Variants in HCN1 observed in about 807,000 individuals in gnomAD.
The protein encoded by HCN1 is hyperpolarization activated cyclic nucleotide gated potassium channel 1.
A neutral mutation model predicts 78.9 loss-of-function variants in HCN1; 13 were observed. The ratio of observed to expected loss-of-function variants is 0.16; its 90% confidence interval spans 0.11 to 0.26. HCN1 has a LOEUF of 0.26. HCN1 is among the 10% of genes least tolerant of loss of function. HCN1 has a pLI of 1.00. For missense variants in HCN1, 810 were observed against 1,154.3 expected (o/e 0.70, Z 4.32); for synonymous variants, 552 against 455.5 (o/e 1.21, Z -2.70).
chr5:45,682,269 A>C (rs990438501), intron 1 of HCN1, among the ~76,000 whole-genome samples: 5 of 116,514 alleles, frequency 4.3e-5, no homozygotes, highest in Admixed American at 8.8e-5. Context: ...ATATATATAT[A>C]TACATATATA....
At chr5:45,549,476 C>T (rs1212844238) in intron 2 of HCN1, among the ~76,000 whole-genome samples, 1 of 152,146 alleles carries the variant, frequency 6.6e-6, no homozygotes. Flanking sequence ...CCCTTCCATA[C>T]ACCTTATACA....
intron 2 of HCN1, among the ~76,000 whole-genome samples, chr5:45,492,202 A>G (rs576843146): frequency 6.6e-6 from 1 of 151,688 alleles, no homozygotes; most frequent in Non-Finnish European, 1.5e-5. Context: ...GAAACCCTTC[A>G]GTACAGGCAG....
intron 2 of HCN1, among the ~76,000 whole-genome samples, chr5:45,472,851 C>T (rs1410531012): frequency 6.6e-6 from 1 of 151,890 alleles, no homozygotes; most frequent in African/African-American, 2.4e-5. Flanking sequence ...TTTGTTACAT[C>T]CTTCATCACA....
chr5:45,538,895 G>C (rs1307857752), intron 2 of HCN1, among the ~76,000 whole-genome samples: 1 of 152,128 alleles, frequency 6.6e-6, no homozygotes, highest in Non-Finnish European at 1.5e-5. Context: ...CTAGTTTCCA[G>C]GTTTCAGGTA....
At chr5:45,451,673 T>TA (rs1740921365) in intron 3 of HCN1, among the ~76,000 whole-genome samples, 1 of 151,742 alleles carries the variant, frequency 6.6e-6, no homozygotes, top group Non-Finnish European at 1.5e-5. Flanking sequence ...ATCTTTTTTT[T>TA]AAAAAAGTGA....
intron 4 of HCN1, among the ~76,000 whole-genome samples, chr5:45,386,010 G>A (rs1171083449): frequency 6.6e-6 from 1 of 152,138 alleles, no homozygotes; most frequent in Non-Finnish European, 1.5e-5. Flanking sequence ...CCACATTTTA[G>A]TGGAGCTGGA....
At chr5:45,673,569 G>A (rs1218692679) in intron 1 of HCN1, among the ~76,000 whole-genome samples, 1 of 151,256 alleles carries the variant, frequency 6.6e-6, no homozygotes, top group Admixed American at 6.6e-5. Context: ...TCCATCTTTG[G>A]CCACTAGAAG....
intron 2 of HCN1, among the ~76,000 whole-genome samples, chr5:45,597,101 G>A (rs767368452): frequency 3.3e-5 from 5 of 152,118 alleles, no homozygotes; most frequent in Non-Finnish European, 7.3e-5. Context: ...AAGCCTAGCA[G>A]AGACACAACA....
intron 1 of HCN1, among the ~76,000 whole-genome samples, chr5:45,658,953 C>G (rs1174931580): frequency 1.3e-4 from 19 of 146,172 alleles, no homozygotes; most frequent in Non-Finnish European, 2.4e-4. Context: ...GAGCCCACCA[C>G]AGCTCAAGGA....
intron 2 of HCN1, chr5:45,575,428 T>C (rs944268152): frequency 1.3e-5 from 2 of 151,836 alleles, no homozygotes; most frequent in African/African-American, 4.8e-5. Context: ...CAGGGACTGT[T>C]GTGGTGGGGG....
intron 2 of HCN1, among the ~76,000 whole-genome samples, chr5:45,553,795 A>G (rs1203931001): frequency 6.6e-6 from 1 of 151,892 alleles, no homozygotes; most frequent in Non-Finnish European, 1.5e-5. Flanking sequence ...TTGTTTTTTA[A>G]TCCTTTCATG....
chr5:45,433,396 T>A (rs939766694), intron 3 of HCN1, among the ~76,000 whole-genome samples: 1 of 152,054 alleles, frequency 6.6e-6, no homozygotes, highest in African/African-American at 2.4e-5. Flanking sequence ...AATAGCAATG[T>A]CTGCTTTTTT....
At chr5:45,606,145 C>A (rs1744723283) in intron 2 of HCN1, among the ~76,000 whole-genome samples, 1 of 151,974 alleles carries the variant, frequency 6.6e-6, no homozygotes, top group East Asian at 1.9e-4. Flanking sequence ...ACTTAAGCAA[C>A]CATTGCCAGA....
intron 2 of HCN1, among the ~76,000 whole-genome samples, chr5:45,613,403 A>G (rs1185543266): frequency 6.6e-6 from 1 of 151,996 alleles, no homozygotes; most frequent in African/African-American, 2.4e-5. Context: ...GCAAATCAAA[A>G]CCACAATGAG....
At position 45,505,951 on chromosome 5, in the gene HCN1, G is replaced by A. The variant is rs1344350947; in HGVS notation, c.850-43944C>T. On this transcript the variant is annotated intron_variant, in intron 2 of 7. Transcript: ENST00000303230. ...ATGTTATTATCCTGACATAATAAAG[G>A]TATCATTATATCTTGGTAAGTTCAA... is the stretch of plus-strand genomic sequence containing the variant. Among the ~76,000 whole-genome samples, 3 of 151,984 alleles carry A rather than the reference G, an allele frequency of 2.0e-5. No individual in the cohort carries two copies. In the East Asian group the frequency reaches 5.8e-4, roughly 29 times the overall value.
rs182801153 is a variant in HCN1, at chr5:45,269,343, T to G, written c.1619-2090A>C. Among the ~76,000 whole-genome samples the G allele has an allele frequency of 6.3e-4, 96 of 152,328 alleles. 1 individual carries two copies. The East Asian group carries it at 0.017, about 27-fold the overall frequency. ...TACAAAGTGAAAAGAAAATTAGTTTTGTTTTTATTTTTTATCTTTATACTT... is the reference window on the plus strand; with the variant it reads ...TACAAAGTGAAAAGAAAATTAGTTTGGTTTTTATTTTTTATCTTTATACTT... On this transcript the variant is annotated intron_variant, in intron 6 of 7. Transcript: ENST00000303230.
chr5:45,454,545 A>C (rs1486858980), intron 3 of HCN1, among the ~76,000 whole-genome samples: 2 of 152,010 alleles, frequency 1.3e-5, no homozygotes. Flanking sequence ...GTTCTATTTT[A>C]AAAAATTAAT....
chr5:45,571,962 A>T (rs1034076672), intron 2 of HCN1, among the ~76,000 whole-genome samples: 1 of 152,154 alleles, frequency 6.6e-6, no homozygotes, highest in Non-Finnish European at 1.5e-5. Flanking sequence ...AGTTATGACC[A>T]TTGATATTTT....
At chr5:45,305,817 G>T (rs1452620395) in intron 5 of HCN1, among the ~76,000 whole-genome samples, 1 of 147,728 alleles carries the variant, frequency 6.8e-6, no homozygotes, top group Non-Finnish European at 1.5e-5. Flanking sequence ...AATGAAGGAA[G>T]CAAGGAAAGA....
Sources: allele counts gnomAD v4.1 joint callset (sites outside exome capture counted in the v4.1 genomes callset), GRCh38; gene constraint gnomAD v4.1.1; transcripts MANE v1.5; gene names NCBI Gene and HGNC (gene_info 2026-07-23, HGNC 2026-07-21).